Variants in CEP57L1 observed in about 807,000 individuals in gnomAD.
CEP57L1 encodes the protein centrosomal protein CEP57L1.
A neutral mutation model predicts 61.0 loss-of-function variants in CEP57L1; 37 were observed. That is an observed-to-expected ratio of 0.61 (90% CI 0.47 to 0.80). CEP57L1 has a LOEUF of 0.80. Among genes scored for constraint, CEP57L1 ranks in the 30% least tolerant of loss-of-function variants. The probability of loss-of-function intolerance (pLI) is 0.00; values close to 1 mark genes in which losing one functional copy is unlikely to be tolerated. For missense variants in CEP57L1, 422 were observed against 524.7 expected (o/e 0.80, Z 1.91); for synonymous variants, 137 against 162.3 (o/e 0.84, Z 1.19).
chr6:109,162,658 T>C (rs1352093874), intron 10 of CEP57L1, 91 bp from the exon 11 acceptor site: 10 of 834,202 alleles, frequency 1.2e-5, no homozygotes, highest in Non-Finnish European at 1.9e-5. Flanking sequence ...TTTTAACTTT[T>C]TAACGTTAAA....
At chr6:109,099,845 A>G (rs949297684) in intron 1 of CEP57L1, among the ~76,000 whole-genome samples, 3 of 152,030 alleles carry the variant, frequency 2.0e-5, no homozygotes, top group Admixed American at 6.6e-5. Flanking sequence ...ACCGTGCCCA[A>G]CAATGGGTAC....
intron 1 of CEP57L1, among the ~76,000 whole-genome samples, chr6:109,106,270 C>A (rs1038141717): frequency 1.3e-5 from 2 of 152,154 alleles, no homozygotes; most frequent in African/African-American, 2.4e-5. Context: ...TTGGGGACCA[C>A]TGATCTAGAT....
intron 2 of CEP57L1, 112 bp downstream of exon 2, chr6:109,145,493 T>A: frequency 1.4e-6 from 1 of 695,838 alleles, no homozygotes. Context: ...ACTCCTAACT[T>A]TGATTCTGTT....
intron 1 of CEP57L1, among the ~76,000 whole-genome samples, 181 bp downstream of exon 1, chr6:109,095,756 C>T (rs1306768148): frequency 6.6e-6 from 1 of 152,076 alleles, no homozygotes; most frequent in Admixed American, 6.5e-5. Flanking sequence ...GTGGGTGAGG[C>T]AAGGATTTGG....
chr6:109,133,741 TC>T (rs950303382), intron 1 of CEP57L1, among the ~76,000 whole-genome samples: 8 of 151,912 alleles, frequency 5.3e-5, no homozygotes, highest in African/African-American at 1.9e-4. Context: ...TCACCACCAA[TC>T]CCACAGAAAT....
In CEP57L1 at chr6:109,167,425, GT is replaced by G. The variant is rs1177656176; in HGVS notation, c.*4456del. On this transcript the variant is annotated 3_prime_UTR_variant, in exon 11 of 11. Coordinates refer to ENST00000517392, the MANE Select transcript of CEP57L1 (RefSeq NM_001271852.3). ...GGGCTGAGCACTGTGTCTTACGCCT[GT>G]AATCCCAGCACTGTGAGAGGCCGAG... 6.6e-6 allele frequency among the ~76,000 whole-genome samples: 1 copy of G among 152,040 alleles called. No individual in the cohort carries two copies. The highest frequency in any genetic ancestry group is 2.4e-5 in the African/African-American group (1 of 41,396).
chr6:109,153,189 G>A lies in CEP57L1; in HGVS notation c.463-644G>A, dbSNP rs778269153. On this transcript the variant is annotated intron_variant, in intron 4 of 10. Coordinates refer to ENST00000517392, the MANE Select transcript of CEP57L1 (RefSeq NM_001271852.3). Reference sequence around the variant, plus strand: ...ATATTCTATACAAAGATGCATAGACGAGTTTGTTTCACTGATGCTAATATA... The same window carrying A: ...ATATTCTATACAAAGATGCATAGACAAGTTTGTTTCACTGATGCTAATATA... 7.5e-4 allele frequency among the ~76,000 whole-genome samples: 110 copies of A among 146,184 alleles called. 1 individual carries two copies. The highest frequency in any genetic ancestry group is 3.6e-3 in the Middle Eastern group (1 of 274).
At chr6:109,133,602 T>C (rs977008355) in intron 1 of CEP57L1, among the ~76,000 whole-genome samples, 1 of 151,898 alleles carries the variant, frequency 6.6e-6, no homozygotes, top group Non-Finnish European at 1.5e-5. Flanking sequence ...AAAAAAACCC[T>C]TCAAAAAATC....
intron 1 of CEP57L1, among the ~76,000 whole-genome samples, chr6:109,141,182 G>T (rs1771334974): frequency 6.6e-6 from 1 of 151,830 alleles, no homozygotes; most frequent in South Asian, 2.1e-4. Context: ...TGATGTATGG[G>T]GCAAGATGAA....
chr6:109,106,000 C>G (rs1393874253), intron 1 of CEP57L1: 2 of 152,324 alleles, frequency 1.3e-5, no homozygotes, highest in East Asian at 3.9e-4. Context: ...GAATCTAAAG[C>G]CTAATGATCT....
intron 1 of CEP57L1, among the ~76,000 whole-genome samples, chr6:109,123,849 A>T (rs1217932850): frequency 1.3e-5 from 2 of 152,114 alleles, no homozygotes; most frequent in African/African-American, 4.8e-5. Flanking sequence ...CGGGCAGATC[A>T]CCTGATGACA....
chr6:109,125,423 A>G (rs1041526499), intron 1 of CEP57L1, among the ~76,000 whole-genome samples: 6 of 150,146 alleles, frequency 4.0e-5, no homozygotes, highest in Admixed American at 6.7e-5. Context: ...CAACCTGTGG[A>G]AAAAAAAATG....
At chr6:109,157,855 T>G (rs1381731645) in intron 7 of CEP57L1, 1 of 152,200 alleles carries the variant, frequency 6.6e-6, no homozygotes, top group African/African-American at 2.4e-5. Context: ...AGAAATCAGA[T>G]GTGTAGATTT....
chr6:109,117,053 G>A (rs2114672035), intron 1 of CEP57L1, among the ~76,000 whole-genome samples: 1 of 152,212 alleles, frequency 6.6e-6, no homozygotes, highest in African/African-American at 2.4e-5. Flanking sequence ...ATCTGAGATT[G>A]ATAAAATTCC....
intron 1 of CEP57L1, among the ~76,000 whole-genome samples, chr6:109,110,667 T>C (rs1771498912): frequency 6.6e-6 from 1 of 152,372 alleles, no homozygotes; most frequent in Middle Eastern, 3.4e-3. Context: ...AGGTCTTATG[T>C]TTAAGTCTTT....
At chr6:109,156,119 A>G (rs1415047792) in intron 7 of CEP57L1, 15 of 306,334 alleles carry the variant, frequency 4.9e-5, no homozygotes, top group Non-Finnish European at 1.2e-5. Context: ...TTGCTTGACA[A>G]CCAAAGCAAA....
intron 1 of CEP57L1, among the ~76,000 whole-genome samples, chr6:109,097,458 T>G (rs1781837963): frequency 6.6e-6 from 1 of 152,228 alleles, no homozygotes; most frequent in Non-Finnish European, 1.5e-5. Context: ...TCTTTCAGAC[T>G]AACTTCATAT....
Position 109,171,207 on chromosome 6 carries a change from G to C in CEP57L1, c.*8237G>C, listed in dbSNP as rs1774387110. ...TTGCCTGTGATTTCTCATTCTCAGA[G>C]CATTCCCATAAATAATGCCACAAAG... On this transcript the variant is annotated 3_prime_UTR_variant, in exon 11 of 11. Coordinates refer to ENST00000517392, the MANE Select transcript of CEP57L1 (RefSeq NM_001271852.3). Among the ~76,000 whole-genome samples, 1 of 151,562 alleles carries C rather than the reference G, an allele frequency of 6.6e-6. No individual in the cohort carries two copies. Among genetic ancestry groups the C allele is most frequent in the South Asian group, 2.1e-4 (1 of 4,812 alleles).
intron 1 of CEP57L1, among the ~76,000 whole-genome samples, chr6:109,118,616 C>G (rs2114681271): frequency 6.6e-6 from 1 of 152,300 alleles, no homozygotes; most frequent in South Asian, 2.1e-4. Flanking sequence ...CTGAAGCTTG[C>G]TAATACGAAT....
Sources: allele counts gnomAD v4.1 joint callset (sites outside exome capture counted in the v4.1 genomes callset), GRCh38; gene constraint gnomAD v4.1.1; transcripts MANE v1.5; gene names NCBI Gene and HGNC (gene_info 2026-07-23, HGNC 2026-07-21).